KIAA1549L: variants seen among roughly 807,000 people sequenced by gnomAD.
The protein encoded by KIAA1549L is UPF0606 protein KIAA1549L.
Under a neutral mutation model 160.7 loss-of-function variants are expected in KIAA1549L, and 88 were observed. The ratio of observed to expected loss-of-function variants is 0.55; its 90% CI spans 0.46 to 0.65. KIAA1549L has a LOEUF of 0.65. Among genes scored for constraint, KIAA1549L ranks in the 30% least tolerant of loss-of-function variants. KIAA1549L has a pLI of 0.00. For synonymous variants in KIAA1549L, 950 were observed against 976.7 expected, an observed-to-expected ratio of 0.97 and a Z score of 0.51; for missense variants, 2,258 against 2,437.5, an observed-to-expected ratio of 0.93 and a Z score of 1.55.
chr11:33,418,549 A>G (rs1850932771), intron 1 of KIAA1549L, among the ~76,000 whole-genome samples: 3 of 152,140 alleles, frequency 2.0e-5, no homozygotes, highest in Admixed American at 2.0e-4. Context: ...GAGATAGAAC[A>G]CCCCAACGTA....
intron 16 of KIAA1549L, among the ~76,000 whole-genome samples, chr11:33,624,772 T>C (rs1851053687): frequency 6.6e-6 from 1 of 151,782 alleles, no homozygotes; most frequent in African/African-American, 2.4e-5. Context: ...TTTATTATTA[T>C]TATACTTTAA....
At chr11:33,666,560 C>T (rs1014143535) in intron 20 of KIAA1549L, among the ~76,000 whole-genome samples, 2 of 152,144 alleles carry the variant, frequency 1.3e-5, no homozygotes, top group Non-Finnish European at 2.9e-5. Context: ...CAATTAACAT[C>T]ATGGGGTATG....
In KIAA1549L at chr11:33,545,280, A is replaced by G. The variant is rs758437647; in HGVS notation, c.3287A>G (p.Asp1096Gly). ...RLPPLRAENTDAVLPAASAAV... is the reference protein window; with the variant it reads ...RLPPLRAENTGAVLPAASAAV... ...CCACCATTGCGAGCAGAAAACACAG[A>G]TGCTGTCCTTCCTGCTGCATCGGCT... Residue 1096 changes from aspartate (D) to glycine (G), a missense_variant, in exon 3 of 21, where the codon GAT becomes GGT. Physicochemically the swap from Asp to Gly is moderately conservative, Grantham distance 94. Coordinates refer to ENST00000658780, the MANE Select transcript of KIAA1549L (RefSeq NM_012194.3). 1.2e-6 allele frequency: 2 copies of G among 1,613,936 alleles called. No homozygotes were observed. Among genetic ancestry groups the G allele is most frequent in the Non-Finnish European group, 1.7e-6 (2 of 1,179,866 alleles).
chr11:33,630,723 G>A (rs2133375122), intron 16 of KIAA1549L, among the ~76,000 whole-genome samples: 1 of 151,834 alleles, frequency 6.6e-6, no homozygotes, highest in Non-Finnish European at 1.5e-5. Context: ...AGATAGAAAT[G>A]CAGAAATCAC....
Position 33,673,909 on chromosome 11 carries a change from TGA to T in KIAA1549L, c.*5757_*5758del, listed in dbSNP as rs1194500625. 1.3e-5 allele frequency: 2 copies of T among 152,208 alleles called. No individual in the cohort carries two copies. The highest frequency in any genetic ancestry group is 4.8e-5 in the African/African-American group (2 of 41,466). The allele number at this position is 152,208 out of a possible 1,614,324, so 9.4% of individuals were successfully genotyped here. A position where few individuals can be genotyped will look rare whatever the true frequency, so the allele number is the denominator to read the frequency against. On this transcript the variant is annotated 3_prime_UTR_variant, in exon 21 of 21. Coordinates refer to ENST00000658780, the MANE Select transcript of KIAA1549L (RefSeq NM_012194.3). ...ACTCTGGGTGAAAAACCCCAACCGGTGAGTCTTTAAAACCATATTAGACACAT... is the reference window on the plus strand; with the variant it reads ...ACTCTGGGTGAAAAACCCCAACCGGTGTCTTTAAAACCATATTAGACACAT...
chr11:33,585,959 A>G (rs552746527), intron 11 of KIAA1549L, among the ~76,000 whole-genome samples: 1 of 152,162 alleles, frequency 6.6e-6, no homozygotes, highest in Non-Finnish European at 1.5e-5. Context: ...TGGGCTACAT[A>G]TTTTGATTCC....
At chr11:33,496,196 T>C (rs1852815833) in intron 1 of KIAA1549L, among the ~76,000 whole-genome samples, 1 of 152,190 alleles carries the variant, frequency 6.6e-6, no homozygotes, top group Non-Finnish European at 1.5e-5. Flanking sequence ...ACTCCTGACC[T>C]CAGGTGATCC....
At chr11:33,663,442 G>A (rs1564948847) in intron 20 of KIAA1549L, among the ~76,000 whole-genome samples, 1 of 152,194 alleles carries the variant, frequency 6.6e-6, no homozygotes, top group Non-Finnish European at 1.5e-5. Context: ...GGGAGGAAGA[G>A]TTTCTCATGT....
At chr11:33,507,577 C>T (rs1212003937) in intron 1 of KIAA1549L, among the ~76,000 whole-genome samples, 1 of 152,150 alleles carries the variant, frequency 6.6e-6, no homozygotes, top group African/African-American at 2.4e-5. Flanking sequence ...TGTCTGGATA[C>T]AGGCCGTTTT....
At chr11:33,429,085 C>T (rs539224548) in intron 1 of KIAA1549L, among the ~76,000 whole-genome samples, 57 of 152,198 alleles carry the variant, frequency 3.7e-4, no homozygotes, top group Admixed American at 6.5e-4. Flanking sequence ...GATTCTCCTG[C>T]CTCAGCCTCC....
In KIAA1549L at chr11:33,544,994, C is replaced by T; in HGVS notation, c.3001C>T (p.His1001Tyr). The change falls in exon 3 of 21, where the codon CAT (histidine) becomes TAT (tyrosine). Residue 1001 changes from histidine (H) to tyrosine (Y), a missense_variant. By Grantham distance (83) the His-to-Tyr change is moderately conservative (BLOSUM62 2). Coordinates refer to ENST00000658780, the MANE Select transcript of KIAA1549L (RefSeq NM_012194.3). The stretch of plus-strand genomic sequence containing the variant: ...CCCAAAGAGGACACCAGGGGCAGTC[C>T]ATACAGCCTTCCCATTCACACCAAC... ...SGPKRTPGAV[H>Y]TAFPFTPTYM... The T allele has an allele frequency of 6.2e-7, 1 of 1,614,006 alleles. No homozygotes were observed. Among genetic ancestry groups the T allele is most frequent in the Non-Finnish European group, 8.5e-7 (1 of 1,179,888 alleles).
chr11:33,473,675 C>T (rs556840819), intron 1 of KIAA1549L, among the ~76,000 whole-genome samples: 5 of 152,288 alleles, frequency 3.3e-5, no homozygotes, highest in Admixed American at 2.6e-4. Context: ...TATGCACGTT[C>T]CCTTCGAGTC....
At chr11:33,520,685 A>C (rs1853464884) in intron 1 of KIAA1549L, among the ~76,000 whole-genome samples, 1 of 7,046 alleles carries the variant, frequency 1.4e-4, no homozygotes, top group African/African-American at 7.3e-4. Context: ...CCCACCCCCA[A>C]CACACACACA....
At chr11:33,387,806 TC>T (rs1229386347) in intron 1 of KIAA1549L, among the ~76,000 whole-genome samples, 1 of 151,794 alleles carries the variant, frequency 6.6e-6, no homozygotes, top group Non-Finnish European at 1.5e-5. Flanking sequence ...TCTTCCCCCA[TC>T]CCCCGTCTGT....
At chr11:33,634,735 ACT>A (rs1183468303) in intron 16 of KIAA1549L, among the ~76,000 whole-genome samples, 1 of 151,836 alleles carries the variant, frequency 6.6e-6, no homozygotes, top group Non-Finnish European at 1.5e-5. Flanking sequence ...CTCAGTGGAG[ACT>A]CTGATTATGA....
At chr11:33,464,673 C>T (rs1852011975) in intron 1 of KIAA1549L, among the ~76,000 whole-genome samples, 1 of 152,094 alleles carries the variant, frequency 6.6e-6, no homozygotes, top group Non-Finnish European at 1.5e-5. Context: ...CTCTCCATAC[C>T]ACAGCCAGTG....
intron 13 of KIAA1549L, among the ~76,000 whole-genome samples, chr11:33,604,004 G>C (rs559840982): frequency 5.9e-5 from 9 of 152,200 alleles, no homozygotes; most frequent in African/African-American, 2.2e-4. Context: ...TTACCTTCTG[G>C]AAAGTTTATC....
intron 1 of KIAA1549L, among the ~76,000 whole-genome samples, chr11:33,430,034 CCTTCCTT>C (rs1851199960): frequency 1.5e-5 from 2 of 136,794 alleles, no homozygotes; most frequent in African/African-American, 5.6e-5. Flanking sequence ...TTCCTTCCTT[CCTTCCTT>C]CCTTCCTCCC....
At chr11:33,483,428 T>A (rs1304572396) in intron 1 of KIAA1549L, among the ~76,000 whole-genome samples, 1 of 152,102 alleles carries the variant, frequency 6.6e-6, no homozygotes, top group Non-Finnish European at 1.5e-5. Context: ...CCTTAGCTAA[T>A]CTGGCATGGT....
Sources: gnomAD v4.1 joint callset for allele counts (sites outside exome capture counted in the v4.1 genomes callset) on GRCh38, gnomAD v4.1.1 for gene constraint, MANE v1.5 for transcripts, NCBI Gene and HGNC (gene_info 2026-07-23, HGNC 2026-07-21) for gene names.